KCNQ3: variants seen among roughly 807,000 people sequenced by gnomAD.
KCNQ3 encodes the protein potassium voltage-gated channel subfamily Q member 3.
KCNQ3 carries 30 observed loss-of-function variants against 92.5 expected under a neutral mutation model. The observed-to-expected ratio is 0.32, with a 90% CI of 0.24 to 0.44. The LOEUF (loss-of-function observed/expected upper bound fraction) is 0.44, where lower values mean the gene tolerates loss of function less well. Ranked by LOEUF, KCNQ3 falls within the 20% of genes least tolerant of loss-of-function variation. The pLI is 1.00. For missense variants in KCNQ3, 913 were observed against 1,140.3 expected (o/e 0.80, Z 2.87); for synonymous variants, 450 against 468.8 (o/e 0.96, Z 0.52).
At position 132,198,820 on chromosome 8, in the gene KCNQ3, C is replaced by A. The variant is rs1342821488; in HGVS notation, c.387-12639G>T. On this transcript the variant is annotated intron_variant, in intron 1 of 14. Coordinates refer to ENST00000388996, the MANE Select transcript of KCNQ3 (RefSeq NM_004519.4). Reference sequence around the variant, plus strand: ...GGACTTCATCTCAAAAAACAAAAACCAAAAAAACAGGAGTAACGAATTAAG... The same window carrying A: ...GGACTTCATCTCAAAAAACAAAAACAAAAAAAACAGGAGTAACGAATTAAG... 2.6e-5 allele frequency among the ~76,000 whole-genome samples: 4 copies of A among 151,898 alleles called. No individual in the cohort carries two copies. The South Asian group carries it at 6.2e-4, about 24-fold the overall frequency.
chr8:132,202,158 G>A (rs749416909), intron 1 of KCNQ3, among the ~76,000 whole-genome samples: 14 of 152,198 alleles, frequency 9.2e-5, no homozygotes, highest in Non-Finnish European at 2.9e-5. Context: ...CCTAAGGCAG[G>A]GAATAGCAAA....
At chr8:132,431,027 A>G (rs976885145) in intron 1 of KCNQ3, among the ~76,000 whole-genome samples, 7 of 152,082 alleles carry the variant, frequency 4.6e-5, no homozygotes, top group African/African-American at 1.7e-4. Flanking sequence ...TCTCCTGGTA[A>G]TCCCCTGGCT....
intron 1 of KCNQ3, among the ~76,000 whole-genome samples, chr8:132,187,809 GGTGGTGGTGGTGGTGGTGGTGATT>G (rs1827029734): frequency 4.8e-5 from 7 of 145,268 alleles, no homozygotes; most frequent in South Asian, 2.2e-4. Context: ...TGATAGTGAT[GGTGGTGGTGGTGGTGGTGGTGATT>G]GTGGTGGTGG....
In KCNQ3 at chr8:132,443,597, C is replaced by G. The variant is rs560916220; in HGVS notation, c.386+36550G>C. Among the ~76,000 whole-genome samples, 4 of 152,304 alleles carry G rather than the reference C, an allele frequency of 2.6e-5. No individual in the cohort carries two copies. The South Asian group carries it at 8.3e-4, about 32-fold the overall frequency. ...CTACCTCACTCCTCCAAACACACCC[C>G]TCCCCAGCACAGATACACAAGGCTG... On this transcript the variant is annotated intron_variant, in intron 1 of 14. Coordinates refer to ENST00000388996, the MANE Select transcript of KCNQ3 (RefSeq NM_004519.4).
At chr8:132,474,353 G>A (rs890434985) in intron 1 of KCNQ3, among the ~76,000 whole-genome samples, 2 of 152,086 alleles carry the variant, frequency 1.3e-5, no homozygotes, top group African/African-American at 4.8e-5. Flanking sequence ...GACTCCTGCA[G>A]TCACAGAGAC....
intron 1 of KCNQ3, among the ~76,000 whole-genome samples, chr8:132,319,481 C>T (rs1449176552): frequency 6.6e-6 from 1 of 152,170 alleles, no homozygotes; most frequent in Non-Finnish European, 1.5e-5. Flanking sequence ...AATAAATCAA[C>T]ACGCAGGCGC....
At chr8:132,218,496 A>G (rs1814115804) in intron 1 of KCNQ3, among the ~76,000 whole-genome samples, 1 of 152,356 alleles carries the variant, frequency 6.6e-6, no homozygotes, top group African/African-American at 2.4e-5. Flanking sequence ...ATCATAGAAT[A>G]AAAGAAGGGA....
intron 1 of KCNQ3, among the ~76,000 whole-genome samples, chr8:132,288,642 A>T (rs1482535139): frequency 6.6e-6 from 1 of 151,884 alleles, no homozygotes; most frequent in Non-Finnish European, 1.5e-5. Flanking sequence ...TCTACTCCCA[A>T]AGCCATTTGT....
Position 132,480,180 on chromosome 8 carries a change from G to A in KCNQ3, c.353C>T (p.Pro118Leu), listed in dbSNP as rs1822515868. 1.2e-6 allele frequency: 2 copies of A among 1,612,794 alleles called. No individual in the cohort carries two copies. The highest frequency in any genetic ancestry group is 1.7e-6 in the Non-Finnish European group (2 of 1,179,234). ...QTLIYDALER[P>L]RGWALLYHAL... Reference sequence around the variant, plus strand: ...GTGGTAAAGCAGCGCCCAGCCCCGCGGTCTCTCCAGGGCGTCGTAGATCAA... The same window carrying A: ...GTGGTAAAGCAGCGCCCAGCCCCGCAGTCTCTCCAGGGCGTCGTAGATCAA... The change falls in exon 1 of 15, where the codon CCG (proline) becomes CTG (leucine). Residue 118 changes from proline (P) to leucine (L), a missense_variant. By Grantham distance (98) the Pro-to-Leu change is moderately conservative. Transcript: ENST00000388996.
chr8:132,213,725 C>A (rs990668696), intron 1 of KCNQ3, among the ~76,000 whole-genome samples: 1 of 152,208 alleles, frequency 6.6e-6, no homozygotes. Context: ...TAAGGTATTG[C>A]AAGCTCTGGT....
In KCNQ3 at chr8:132,480,043, G is replaced by T. The variant is rs915669375; in HGVS notation, c.386+104C>A. Reference sequence around the variant, plus strand: ...GGCTGGTCTCCCCTTCAGCGGGAAAGCATCCATGGGTCTTAAAGCCCCAGA... The same window carrying T: ...GGCTGGTCTCCCCTTCAGCGGGAAATCATCCATGGGTCTTAAAGCCCCAGA... On this transcript the variant is annotated intron_variant, in intron 1 of 14. Transcript: ENST00000388996. The T allele has an allele frequency of 4.4e-6, 5 of 1,130,832 alleles. No individual in the cohort carries two copies. The African/African-American group carries it at 6.2e-5, about 14-fold the overall frequency. 70.0% of individuals were successfully genotyped at this position (1,130,832 alleles called of 1,614,324 possible). A position where few individuals can be genotyped will look rare whatever the true frequency, so the allele number is the denominator to read the frequency against.
chr8:132,459,174 C>T (rs576006787), intron 1 of KCNQ3, among the ~76,000 whole-genome samples: 1 of 152,210 alleles, frequency 6.6e-6, no homozygotes, highest in Non-Finnish European at 1.5e-5. Context: ...GGGGGAAGAC[C>T]ACAGCAAAAT....
At position 132,187,861 on chromosome 8, in the gene KCNQ3, G is replaced by GTAGTGATAGTGA. The variant is rs1827040476; in HGVS notation, c.387-1681_387-1680insTCACTATCACTA. Among the ~76,000 whole-genome samples, 5 of 95,088 alleles carry GTAGTGATAGTGA rather than the reference G, an allele frequency of 5.3e-5. No individual in the cohort carries two copies. In the East Asian group the frequency reaches 7.6e-4, roughly 14 times the overall value. The allele number at this position is 95,088 out of a possible 152,430, so 62.4% of individuals were successfully genotyped here. ...GGTGGTGGTGGTGGTAGTGATGGTG[G>GTAGTGATAGTGA]TGGTGGTGGTGATAGTGATGGTGGC... On this transcript the variant is annotated intron_variant, in intron 1 of 14. Coordinates refer to ENST00000388996, the MANE Select transcript of KCNQ3 (RefSeq NM_004519.4).
chr8:132,480,283 C>T lies in KCNQ3; in HGVS notation c.250G>A (p.Gly84Ser), dbSNP rs1822518036. 1.9e-6 allele frequency: 3 copies of T among 1,609,266 alleles called. No homozygotes were observed. Among genetic ancestry groups the T allele is most frequent in the Non-Finnish European group, 2.5e-6 (3 of 1,177,712 alleles). The change falls in exon 1 of 15, where the codon GGC becomes AGC. Residue 84 changes from glycine (G) to serine (S), a missense_variant. Physicochemically the swap from Gly to Ser is moderately conservative, Grantham distance 56. Around this residue, in one of 6 missense-constraint regions of KCNQ3, gnomAD observed 183 missense variants for 167.7 expected, o/e 1.09. Coordinates refer to ENST00000388996, the MANE Select transcript of KCNQ3 (RefSeq NM_004519.4). ...GGGGTCTTGGCCAGGAGCCCGATGC[C>T]CTGCGGGGTCCTCCGCTGCCCCTCG... ...RDEGQRRTPQGIGLLAKTPLS... is the reference protein window; with the variant it reads ...RDEGQRRTPQSIGLLAKTPLS...
chr8:132,335,332 C>G (rs981689581), intron 1 of KCNQ3, among the ~76,000 whole-genome samples: 1 of 152,184 alleles, frequency 6.6e-6, no homozygotes, highest in Non-Finnish European at 1.5e-5. Flanking sequence ...AGTCACCGCG[C>G]CCAGCCCATC....
chr8:132,129,902 G>T lies in KCNQ3; in HGVS notation c.1979C>A (p.Thr660Asn). 6.2e-7 allele frequency: 1 copy of T among 1,614,066 alleles called. No homozygotes were observed. Among genetic ancestry groups the T allele is most frequent in the Non-Finnish European group, 8.5e-7 (1 of 1,180,028 alleles). The change falls in exon 15 of 15, where the codon ACC becomes AAC. Residue 660 changes from threonine (T) to asparagine (N), a missense_variant. Thr to Asn is a moderately conservative substitution (Grantham distance 65). Coordinates refer to ENST00000388996, the MANE Select transcript of KCNQ3 (RefSeq NM_004519.4). The surrounding 1 kb of genome is among the most constrained non-coding windows in gnomAD (Gnocchi z 5.9). ...LQVQVTEYYP[T>N]KGTSSPAEAE... ...TTCAGCTGGCGAGGAGGTGCCCTTG[G>T]TTGGGTAATACTCCGTGACCTGCAC...
rs1281937576 is a variant in KCNQ3 at position 132,480,474 on chromosome 8, C to CCGCCCCCGT, written c.50_58dup (p.Asp17_Gly19dup). 15 of 1,233,036 alleles carry CCGCCCCCGT rather than the reference C, an allele frequency of 1.2e-5. No individual in the cohort carries two copies. Among genetic ancestry groups the CCGCCCCCGT allele is most frequent in the East Asian group, 3.3e-5 (1 of 30,164 alleles). The allele number at this position is 1,233,036 out of a possible 1,614,324, so 76.4% of individuals were successfully genotyped here. A position where few individuals can be genotyped will look rare whatever the true frequency, so the allele number is the denominator to read the frequency against. On this transcript the variant is annotated inframe_insertion, in exon 1 of 15. Transcript: ENST00000388996. ...TGGGTTAGCCGCCCCGCCGCCTCCG[C>CCGCCCCCGT]CGCCCCCGTCGCCGCCGCCGCCAGC...
At chr8:132,135,793 G>T (rs916292076) in intron 12 of KCNQ3, among the ~76,000 whole-genome samples, 2 of 152,026 alleles carry the variant, frequency 1.3e-5, no homozygotes, top group African/African-American at 4.8e-5. Context: ...CTCTGTGCCT[G>T]CCACTATACT....
intron 1 of KCNQ3, among the ~76,000 whole-genome samples, chr8:132,333,736 AT>A (rs5895137): frequency 0.43 from 62,973 of 145,166 alleles, 13,298 homozygotes; most frequent in Non-Finnish European, 0.48. Context: ...TATGAAACAA[AT>A]TTTTTTTTTT....
Sources: gnomAD v4.1 joint callset for allele counts (sites outside exome capture counted in the v4.1 genomes callset) on GRCh38, gnomAD v4.1.1 for gene constraint, gnomAD v4.1.1 regional missense constraint, Gnocchi (gnomAD v3.1) non-coding constraint, MANE v1.5 for transcripts, NCBI Gene and HGNC (gene_info 2026-07-23, HGNC 2026-07-21) for gene names.